The following FBXL13 variants were observed in gnomAD, a reference collection of about 807,000 sequenced individuals.
FBXL13 encodes the protein F-box and leucine-rich repeat protein 13.
Under a neutral mutation model 83.6 loss-of-function variants are expected in FBXL13, and 67 were observed. That is an observed-to-expected ratio of 0.80 (90% CI 0.66 to 0.98). The LOEUF (loss-of-function observed/expected upper bound fraction) is 0.98, where lower values mean the gene tolerates loss of function less well. Among genes scored for constraint, FBXL13 ranks in the 50% least tolerant of loss-of-function variants. FBXL13 has a pLI of 0.00. For missense variants in FBXL13, 822 were observed against 866.5 expected (o/e 0.95, Z 0.64); for synonymous variants, 272 against 299.5 (o/e 0.91, Z 0.95).
intron 11 of FBXL13, among the ~76,000 whole-genome samples, chr7:102,890,831 T>C (rs1811446126): frequency 6.6e-6 from 1 of 152,130 alleles, no homozygotes; most frequent in South Asian, 2.1e-4. Context: ...GCCAGAAATA[T>C]CCATCTGAGA....
At chr7:103,018,218 C>T (rs955684403) in intron 6 of FBXL13, among the ~76,000 whole-genome samples, 2 of 152,088 alleles carry the variant, frequency 1.3e-5, no homozygotes, top group African/African-American at 2.4e-5. Flanking sequence ...CATATCCAGC[C>T]AAACTAAGCT....
intron 17 of FBXL13, among the ~76,000 whole-genome samples, chr7:102,849,286 GA>G (rs1655793741): frequency 6.6e-6 from 1 of 152,174 alleles, no homozygotes; most frequent in African/African-American, 2.4e-5. Flanking sequence ...GTTGTTCTCA[GA>G]AAAGAACTAA....
At chr7:102,852,450 A>G (rs60524601) in intron 17 of FBXL13, among the ~76,000 whole-genome samples, 29,821 of 152,126 alleles carry the variant, frequency 0.2, 3,208 homozygotes, top group East Asian at 0.43. Context: ...ACAAAGGACT[A>G]AGATCCAAAA....
intron 5 of FBXL13, among the ~76,000 whole-genome samples, chr7:103,026,602 A>G (rs796796382): frequency 2.6e-5 from 4 of 152,178 alleles, no homozygotes; most frequent in African/African-American, 9.6e-5. Flanking sequence ...ACTTCTAGAG[A>G]GCATCTCAAG....
chr7:102,948,593 T>G (rs1374322760), intron 8 of FBXL13, among the ~76,000 whole-genome samples: 2 of 151,776 alleles, frequency 1.3e-5, no homozygotes, highest in African/African-American at 2.4e-5. Flanking sequence ...CCAGCTAATG[T>G]TTTGTATTTT....
chr7:102,826,755 A>ATATATATG (rs1393688479), intron 18 of FBXL13, among the ~76,000 whole-genome samples: 7 of 114,736 alleles, frequency 6.1e-5, no homozygotes, highest in Admixed American at 2.1e-4. Flanking sequence ...ATATATATAT[A>ATATATATG]TATATATATA....
At chr7:103,068,525 A>G (rs1798611581) in intron 1 of FBXL13, among the ~76,000 whole-genome samples, 1 of 152,220 alleles carries the variant, frequency 6.6e-6, no homozygotes, top group South Asian at 2.1e-4. Context: ...CAAAAATCAC[A>G]TTTAAAAAAG....
intron 7 of FBXL13, among the ~76,000 whole-genome samples, chr7:102,964,750 C>T (rs1183775838): frequency 6.6e-6 from 1 of 152,098 alleles, no homozygotes; most frequent in Non-Finnish European, 1.5e-5. Flanking sequence ...AACAATTCTA[C>T]TTCTAAGAAT....
chr7:102,906,996 T>C (rs529426606), intron 11 of FBXL13, among the ~76,000 whole-genome samples: 2 of 152,146 alleles, frequency 1.3e-5, no homozygotes, highest in East Asian at 1.9e-4. Flanking sequence ...TTTTTGAGAC[T>C]GAGTCTCGCT....
chr7:103,070,317 T>C (rs535076968), intron 1 of FBXL13, among the ~76,000 whole-genome samples: 165 of 152,030 alleles, frequency 1.1e-3, no homozygotes, highest in Non-Finnish European at 1.8e-3. Flanking sequence ...CTGCAACCTC[T>C]GCCTCCTGGG....
At chr7:102,892,861 A>C (rs1811710779) in intron 11 of FBXL13, among the ~76,000 whole-genome samples, 1 of 152,216 alleles carries the variant, frequency 6.6e-6, no homozygotes, top group Admixed American at 6.5e-5. Flanking sequence ...GCTACTGCAT[A>C]TCTCTTCCCA....
Position 102,906,182 on chromosome 7 carries a change from C to G in FBXL13, c.1008+6904G>C, listed in dbSNP as rs143102825. ...ACCTGCCCCCATGATTCAATTACCT[C>G]CCACAACACATGGGAATTCAAGATG... On this transcript the variant is annotated intron_variant, in intron 11 of 19. Transcript: ENST00000313221. Among the ~76,000 whole-genome samples the G allele has an allele frequency of 2.0e-3, 297 of 152,304 alleles. 2 individuals carry two copies. Among genetic ancestry groups the G allele is most frequent in the African/African-American group, 6.8e-3 (283 of 41,574 alleles).
chr7:103,057,912 C>T (rs6977986), intron 1 of FBXL13, among the ~76,000 whole-genome samples: 1,677 of 152,060 alleles, frequency 0.011, 35 homozygotes, highest in African/African-American at 0.039. Context: ...TGGGGGTGGT[C>T]GGGATGCTTC....
intron 6 of FBXL13, among the ~76,000 whole-genome samples, chr7:103,015,859 C>A (rs1792245012): frequency 1.3e-5 from 2 of 148,420 alleles, no homozygotes; most frequent in African/African-American, 4.9e-5. Flanking sequence ...ACAACATACA[C>A]ACTGTGAGCC....
intron 11 of FBXL13, among the ~76,000 whole-genome samples, chr7:102,910,989 G>T (rs1216312148): frequency 1.3e-5 from 2 of 152,110 alleles, no homozygotes; most frequent in Non-Finnish European, 2.9e-5. Context: ...TTGAACTCCT[G>T]GCCTCAAGTA....
At chr7:103,028,950 T>C (rs1444084163) in intron 3 of FBXL13, among the ~76,000 whole-genome samples, 5 of 152,134 alleles carry the variant, frequency 3.3e-5, no homozygotes, top group African/African-American at 1.2e-4. Flanking sequence ...GAGTCATATT[T>C]CTTTTTAGAT....
At chr7:102,834,416 T>TTA (rs952747140) in intron 17 of FBXL13, among the ~76,000 whole-genome samples, 46 of 145,508 alleles carry the variant, frequency 3.2e-4, no homozygotes, top group African/African-American at 1.1e-3. Context: ...TATATATATA[T>TTA]TATATATATG....
At chr7:102,861,600 G>A (rs183884331) in intron 16 of FBXL13, among the ~76,000 whole-genome samples, 2 of 152,154 alleles carry the variant, frequency 1.3e-5, no homozygotes, top group Non-Finnish European at 2.9e-5. Context: ...AGATGTTATA[G>A]TACACCCAGA....
At chr7:103,033,814 G>C (rs1794779840) in intron 2 of FBXL13, among the ~76,000 whole-genome samples, 1 of 152,164 alleles carries the variant, frequency 6.6e-6, no homozygotes, top group Non-Finnish European at 1.5e-5. Context: ...CGGGCAGCCT[G>C]CTTTTATTCT....
Sources: gnomAD v4.1 joint callset for allele counts (sites outside exome capture counted in the v4.1 genomes callset) on GRCh38, gnomAD v4.1.1 for gene constraint, MANE v1.5 for transcripts, NCBI Gene and HGNC (gene_info 2026-07-23, HGNC 2026-07-21) for gene names.